KCNIP1: variants seen among roughly 807,000 people sequenced by gnomAD.
The protein encoded by KCNIP1 is A-type potassium channel modulatory protein KCNIP1.
A neutral mutation model predicts 33.0 loss-of-function variants in KCNIP1; 18 were observed. The observed-to-expected ratio is 0.55, with a 90% CI of 0.38 to 0.81. The LOEUF (loss-of-function observed/expected upper bound fraction) is 0.81. KCNIP1 is among the 30% of genes least tolerant of loss of function. KCNIP1 has a pLI of 0.00. For missense variants in KCNIP1, 238 were observed against 271.6 expected (o/e 0.88, Z 0.87); for synonymous variants, 93 against 98.3 (o/e 0.95, Z 0.32).
At chr5:170,379,349 G>A (rs866508640) in intron 1 of KCNIP1, among the ~76,000 whole-genome samples, 3 of 152,112 alleles carry the variant, frequency 2.0e-5, no homozygotes, top group Non-Finnish European at 2.9e-5. Flanking sequence ...ATGAAAGAAG[G>A]ACTTCACACA....
intron 1 of KCNIP1, among the ~76,000 whole-genome samples, chr5:170,393,092 A>C (rs892972992): frequency 1.3e-5 from 2 of 152,148 alleles, no homozygotes; most frequent in Admixed American, 6.5e-5. Flanking sequence ...CTAGCGTGTG[A>C]TGTGATGGAG....
chr5:170,728,980 G>A (rs1401483659), intron 5 of KCNIP1, among the ~76,000 whole-genome samples: 3 of 151,940 alleles, frequency 2.0e-5, no homozygotes, highest in African/African-American at 7.2e-5. Flanking sequence ...AGAAATCCCA[G>A]GTACAAATAC....
chr5:170,487,527 T>C (rs1341857444), intron 1 of KCNIP1, among the ~76,000 whole-genome samples: 1 of 151,822 alleles, frequency 6.6e-6, no homozygotes, highest in Non-Finnish European at 1.5e-5. Context: ...GGAACTTTTT[T>C]TTTTTTTTTT....
chr5:170,560,792 C>A (rs989204619), intron 1 of KCNIP1, among the ~76,000 whole-genome samples: 3 of 152,048 alleles, frequency 2.0e-5, no homozygotes, highest in Non-Finnish European at 4.4e-5. Context: ...TGCTTCTGTC[C>A]TATACTGTCT....
At chr5:170,370,717 G>A (rs1172870381) in intron 1 of KCNIP1, among the ~76,000 whole-genome samples, 1 of 152,202 alleles carries the variant, frequency 6.6e-6, no homozygotes, top group South Asian at 2.1e-4. Flanking sequence ...TGAGACCTGG[G>A]CGCAATGGCC....
chr5:170,574,692 T>A (rs887570585), intron 1 of KCNIP1, among the ~76,000 whole-genome samples: 2 of 152,236 alleles, frequency 1.3e-5, no homozygotes, highest in African/African-American at 4.8e-5. Flanking sequence ...CACAGGTGGT[T>A]GGAGCCCATC....
At chr5:170,692,679 G>A (rs1056303940) in intron 1 of KCNIP1, among the ~76,000 whole-genome samples, 3 of 152,178 alleles carry the variant, frequency 2.0e-5, no homozygotes, top group African/African-American at 7.2e-5. Flanking sequence ...AATGGAGATT[G>A]ACAAATGTGA....
At chr5:170,494,466 G>A (rs1446188745) in intron 1 of KCNIP1, among the ~76,000 whole-genome samples, 1 of 152,166 alleles carries the variant, frequency 6.6e-6, no homozygotes, top group African/African-American at 2.4e-5. Context: ...AGCCAGCCTG[G>A]CCTCTCAGGA....
At chr5:170,473,236 G>T (rs1454523331) in intron 1 of KCNIP1, among the ~76,000 whole-genome samples, 1 of 152,156 alleles carries the variant, frequency 6.6e-6, no homozygotes, top group African/African-American at 2.4e-5. Flanking sequence ...CTTTTTCTGA[G>T]AATTGTTTAT....
At chr5:170,355,988 G>A (rs938624132) in intron 1 of KCNIP1, among the ~76,000 whole-genome samples, 3 of 152,220 alleles carry the variant, frequency 2.0e-5, no homozygotes, top group Non-Finnish European at 4.4e-5. Context: ...CGCCAGGCAC[G>A]TGCTAGGTGA....
At chr5:170,396,025 T>C (rs1243265215) in intron 1 of KCNIP1, among the ~76,000 whole-genome samples, 7 of 152,176 alleles carry the variant, frequency 4.6e-5, no homozygotes, top group African/African-American at 1.2e-4. Flanking sequence ...ACCACAGTGA[T>C]GGGAGTAGCT....
chr5:170,510,963 C>G (rs1420628280), intron 1 of KCNIP1, among the ~76,000 whole-genome samples: 1 of 152,260 alleles, frequency 6.6e-6, no homozygotes, highest in East Asian at 1.9e-4. Context: ...GTAATCCCAG[C>G]AGTTTGGAAG....
At chr5:170,443,245 G>A (rs1429939689) in intron 1 of KCNIP1, among the ~76,000 whole-genome samples, 1 of 143,218 alleles carries the variant, frequency 7.0e-6, no homozygotes, top group Non-Finnish European at 1.5e-5. Context: ...CCACCCCCCG[G>A]CCCTGAAGTG....
intron 1 of KCNIP1, among the ~76,000 whole-genome samples, chr5:170,424,996 T>C (rs887538545): frequency 1.3e-5 from 2 of 152,182 alleles, no homozygotes; most frequent in Admixed American, 1.3e-4. Flanking sequence ...ACCCTTCCCA[T>C]GACTAGCTTC....
chr5:170,495,151 T>A (rs891073832), intron 1 of KCNIP1, among the ~76,000 whole-genome samples: 1 of 152,180 alleles, frequency 6.6e-6, no homozygotes, highest in Non-Finnish European at 1.5e-5. Flanking sequence ...TGCCTGAATG[T>A]TTTGGGGTGG....
intron 1 of KCNIP1, among the ~76,000 whole-genome samples, chr5:170,605,711 C>T (rs7726675): frequency 0.51 from 77,496 of 151,198 alleles, 20,989 homozygotes; most frequent in Non-Finnish European, 0.59. Context: ...TTCTTTCTCT[C>T]AGCACCATGT....
chr5:170,685,879 C>T (rs1254471396), intron 1 of KCNIP1, among the ~76,000 whole-genome samples: 2 of 152,210 alleles, frequency 1.3e-5, no homozygotes, highest in Admixed American at 6.5e-5. Context: ...ATTTAGCTGG[C>T]TTGAACTTCT....
At chr5:170,723,557 C>T (rs116655187) in intron 5 of KCNIP1, among the ~76,000 whole-genome samples, 5 of 152,266 alleles carry the variant, frequency 3.3e-5, no homozygotes, top group East Asian at 1.9e-4. Context: ...CACCTCAACC[C>T]GGCAAGCTTC....
chr5:170,699,251 T>C (rs1231672005), intron 1 of KCNIP1, among the ~76,000 whole-genome samples: 1 of 152,142 alleles, frequency 6.6e-6, no homozygotes, highest in African/African-American at 2.4e-5. Context: ...AAGAGAGAGA[T>C]GATATAGACA....
Sources: allele counts gnomAD v4.1 joint callset (sites outside exome capture counted in the v4.1 genomes callset), GRCh38; gene constraint gnomAD v4.1.1; transcripts MANE v1.5; gene names NCBI Gene and HGNC (gene_info 2026-07-23, HGNC 2026-07-21).